TRPM1: variants seen among roughly 807,000 people sequenced by gnomAD.
TRPM1 encodes TRPM1-203 APA Isoform, Intron 10.
TRPM1 carries 113 observed loss-of-function variants against 149.4 expected under a neutral mutation model. The observed-to-expected ratio is 0.76, with a 90% CI of 0.65 to 0.88. The LOEUF is 0.88. TRPM1 is among the 40% of genes least tolerant of loss of function. The pLI is 0.00. For missense variants in TRPM1, 1,976 were observed against 2,038.7 expected, an observed-to-expected ratio of 0.97 and a Z score of 0.59; for synonymous variants, 741 against 759.5, an observed-to-expected ratio of 0.98 and a Z score of 0.40.
rs545047756 is a variant in TRPM1, at chr15:31,041,909, T to C, written c.2087+42A>G. The C allele has an allele frequency of 2.6e-5, 42 of 1,608,382 alleles. 1 individual carries two copies. The South Asian group carries it at 4.5e-4, about 17-fold the overall frequency. On this transcript the variant is annotated intron_variant, in intron 17 of 27. Coordinates refer to ENST00000256552, the MANE Select transcript of TRPM1 (RefSeq NM_001252024.2). ...TCCCTGCAGAGACAAGTACTCAGGA[T>C]GGTCATCTCTCCTGGCCTTTAAATC... is the stretch of plus-strand genomic sequence containing the variant.
At chr15:31,086,245 A>G (rs896008747) in intron 1 of TRPM1, among the ~76,000 whole-genome samples, 4 of 152,134 alleles carry the variant, frequency 2.6e-5, no homozygotes, top group African/African-American at 9.7e-5. Flanking sequence ...GGACGGGAGG[A>G]GAGGGGGAGC....
intron 17 of TRPM1, among the ~76,000 whole-genome samples, chr15:31,041,430 A>G (rs549356022): frequency 1.2e-3 from 188 of 152,286 alleles, no homozygotes; most frequent in African/African-American, 4.0e-3. Flanking sequence ...GATTACAGGC[A>G]TGAGCCACCG....
At chr15:31,065,179 T>C (rs535707066) in intron 7 of TRPM1, 1 of 525,250 alleles carries the variant, frequency 1.9e-6, no homozygotes, top group Non-Finnish European at 3.9e-6. Flanking sequence ...CCAGAAAAAT[T>C]AGAGATGTGA....
At chr15:31,087,330 C>T (rs866915249) in intron 1 of TRPM1, among the ~76,000 whole-genome samples, 4 of 145,330 alleles carry the variant, frequency 2.8e-5, no homozygotes, top group Middle Eastern at 3.7e-3. Context: ...CAGCAAGCTC[C>T]GCCTCCCGGG....
chr15:31,061,402 A>G, intron 10 of TRPM1, 40 bp downstream of exon 10: 2 of 1,599,644 alleles, frequency 1.3e-6, no homozygotes. Flanking sequence ...GGCTAGGCCA[A>G]CATCAGAGGG....
At chr15:31,106,836 T>A (rs2035613897) in intron 1 of TRPM1, among the ~76,000 whole-genome samples, 1 of 152,214 alleles carries the variant, frequency 6.6e-6, no homozygotes, top group African/African-American at 2.4e-5. Flanking sequence ...ATATGAAATT[T>A]GCTTATATTG....
At position 31,042,250 on chromosome 15, in the gene TRPM1, G is replaced by A. The variant is rs762659687; in HGVS notation, c.1795-7C>T. ...TAGCTGGAGGCTCATCATCCTGAGG[G>A]GAGAAACATGGATTTCATGGTTTTG... On this transcript the variant is annotated splice_region_variant and splice_polypyrimidine_tract_variant and intron_variant, in intron 16 of 27. Transcript: ENST00000256552. 2.1e-5 allele frequency: 33 copies of A among 1,560,762 alleles called. No individual in the cohort carries two copies. Among genetic ancestry groups the A allele is most frequent in the African/African-American group, 9.5e-5 (7 of 73,316 alleles).
At chr15:31,097,816 G>A (rs1277402124) in intron 1 of TRPM1, among the ~76,000 whole-genome samples, 1 of 152,198 alleles carries the variant, frequency 6.6e-6, no homozygotes, top group African/African-American at 2.4e-5. Context: ...CACCTGAGAT[G>A]TGGCCAGGGT....
intron 1 of TRPM1, among the ~76,000 whole-genome samples, chr15:31,110,887 TTCTCTC>T (rs143831204): frequency 1.3e-5 from 2 of 148,854 alleles, no homozygotes; most frequent in Non-Finnish European, 3.0e-5. Context: ...TTCTTTCTCT[TTCTCTC>T]TCTCTCTCTC....
intron 27 of TRPM1, among the ~76,000 whole-genome samples, chr15:31,003,450 TA>T (rs1276901810): frequency 6.6e-6 from 1 of 152,154 alleles, no homozygotes; most frequent in Non-Finnish European, 1.5e-5. Flanking sequence ...AGCGTATAAG[TA>T]ATTTCCCCAA....
chr15:31,017,653 G>A (rs2032412759), intron 27 of TRPM1, among the ~76,000 whole-genome samples: 1 of 152,216 alleles, frequency 6.6e-6, no homozygotes. Flanking sequence ...ATGGCTGTGT[G>A]AATATCATTG....
chr15:31,152,590 A>G (rs773290625), intron 1 of TRPM1, among the ~76,000 whole-genome samples: 56 of 152,318 alleles, frequency 3.7e-4, no homozygotes, highest in Middle Eastern at 3.4e-3. Context: ...ATGCCTCAGC[A>G]TACCCTCCTT....
chr15:31,092,251 G>T (rs1023781422), intron 1 of TRPM1, among the ~76,000 whole-genome samples: 14 of 152,138 alleles, frequency 9.2e-5, no homozygotes, highest in Non-Finnish European at 1.8e-4. Context: ...CTTAACTGTG[G>T]TGACCACCGT....
rs775423189 is a variant in TRPM1 at position 31,067,180 on chromosome 15, G to A, written c.501C>T (p.Ile167=). Residue 167 remains isoleucine, a synonymous_variant, in exon 6 of 28, where the codon ATC becomes ATT. Transcript: ENST00000256552. ...IFTGGVSTGV[I]SHVGDALKDH... Reference sequence around the variant, plus strand: ...CTTTCAAGGCATCCCCTACGTGGCTGATAACACCTGTGAGCAGCCATTGGT... The same window carrying A: ...CTTTCAAGGCATCCCCTACGTGGCTAATAACACCTGTGAGCAGCCATTGGT... The A allele has an allele frequency of 6.2e-7, 1 of 1,614,148 alleles. No individual in the cohort carries two copies. Among genetic ancestry groups the A allele is most frequent in the Non-Finnish European group, 8.5e-7 (1 of 1,180,024 alleles).
At chr15:31,057,647 G>T (rs527797939) in intron 11 of TRPM1, among the ~76,000 whole-genome samples, 1 of 151,618 alleles carries the variant, frequency 6.6e-6, no homozygotes, top group Non-Finnish European at 1.5e-5. Flanking sequence ...CAATAATTTT[G>T]CCCTAGCTCC....
chr15:31,125,972 A>G (rs945491891), intron 1 of TRPM1, among the ~76,000 whole-genome samples: 8 of 151,068 alleles, frequency 5.3e-5, no homozygotes, highest in African/African-American at 1.9e-4. Context: ...CTCTACTAAA[A>G]ATACAAAAAA....
chr15:31,036,157 A>C (rs1348646559), intron 20 of TRPM1, among the ~76,000 whole-genome samples: 2 of 151,988 alleles, frequency 1.3e-5, no homozygotes, highest in African/African-American at 4.8e-5. Flanking sequence ...GAGTCCCCTC[A>C]GTTACTGGTG....
In TRPM1 at chr15:31,011,200, T is replaced by C. The variant is rs1379851373; in HGVS notation, c.3630-8130A>G. 2.0e-5 allele frequency among the ~76,000 whole-genome samples: 3 copies of C among 152,224 alleles called. No homozygotes were observed. In the East Asian group the frequency reaches 5.8e-4, roughly 29 times the overall value. ...GAAGTGAGTCTCTGCAGATAGCATG[T>C]AATTACACCATATTTTAAATATTCA... On this transcript the variant is annotated intron_variant, in intron 27 of 27. Transcript: ENST00000256552.
Position 31,027,064 on chromosome 15 carries a change from C to T in TRPM1, c.3347G>A (p.Arg1116Gln). The T allele has an allele frequency of 6.2e-7, 1 of 1,614,140 alleles. No homozygotes were observed. Among genetic ancestry groups the T allele is most frequent in the African/African-American group, 1.3e-5 (1 of 75,032 alleles). The change falls in exon 26 of 28, where the codon CGA (arginine) becomes CAA (glutamine). Residue 1116 changes from arginine to glutamine, a missense_variant. By Grantham distance (43) the Arg-to-Gln change is conservative (BLOSUM62 1). Coordinates refer to ENST00000256552, the MANE Select transcript of TRPM1 (RefSeq NM_001252024.2). The part of the protein sequence containing the change: ...SISNQVWKFQ[R>Q]YQLIMTFHDR... ...ATGAAATGTCATAATCAGCTGATAT[C>T]GCTGGAACTTCCACACCTGGTTGGA... is the stretch of plus-strand genomic sequence containing the variant.
Sources: gnomAD v4.1 joint callset for allele counts (sites outside exome capture counted in the v4.1 genomes callset) on GRCh38, gnomAD v4.1.1 for gene constraint, MANE v1.5 for transcripts, NCBI Gene and HGNC (gene_info 2026-07-23, HGNC 2026-07-21) for gene names.